The following AUTS2 variants were observed in gnomAD, a reference collection of about 807,000 sequenced individuals.
AUTS2 encodes autism susceptibility gene 2 protein.
A neutral mutation model predicts 112.4 loss-of-function variants in AUTS2; 17 were observed. The observed-to-expected ratio is 0.15, with a 90% CI of 0.10 to 0.23. AUTS2 has a LOEUF of 0.23. Among genes scored for constraint, AUTS2 ranks in the 10% least tolerant of loss-of-function variants. The pLI, the probability that AUTS2 is intolerant of heterozygous loss-of-function variation, is 1.00. For missense variants in AUTS2, 1,510 were observed against 1,701.6 expected (o/e 0.89, Z 1.98); for synonymous variants, 751 against 702.7 (o/e 1.07, Z -1.09).
Position 70,636,599 on chromosome 7 carries a change from C to T in AUTS2, c.691-61970C>T, listed in dbSNP as rs550276901. ...TAAAGTGGGAATAATCATACATCATCTCCGTGGATTTTGTGAGGATTAAGT... is the reference window on the plus strand; with the variant it reads ...TAAAGTGGGAATAATCATACATCATTTCCGTGGATTTTGTGAGGATTAAGT... On this transcript the variant is annotated intron_variant, in intron 5 of 18. Transcript: ENST00000342771. Among the ~76,000 whole-genome samples the T allele has an allele frequency of 2.6e-5, 4 of 152,070 alleles. 1 individual carries two copies. In the South Asian group the frequency reaches 8.3e-4, roughly 32 times the overall value.
intron 2 of AUTS2, among the ~76,000 whole-genome samples, chr7:70,043,951 A>C (rs1015559630): frequency 6.6e-6 from 1 of 151,894 alleles, no homozygotes; most frequent in Non-Finnish European, 1.5e-5. Flanking sequence ...CTTGGTGGTG[A>C]TATGAGTTGA....
intron 4 of AUTS2, among the ~76,000 whole-genome samples, chr7:70,366,852 G>A (rs1193228543): frequency 2.6e-5 from 4 of 152,166 alleles, no homozygotes; most frequent in African/African-American, 9.7e-5. Flanking sequence ...AATACAGGGG[G>A]AGGATTGAGT....
intron 2 of AUTS2, among the ~76,000 whole-genome samples, chr7:69,928,335 CCA>C (rs1327787427): frequency 1.3e-5 from 2 of 152,204 alleles, no homozygotes; most frequent in East Asian, 3.9e-4. Context: ...GCAGCCCAGC[CCA>C]CAGACTTCAT....
At chr7:69,756,103 G>A (rs894674140) in intron 1 of AUTS2, among the ~76,000 whole-genome samples, 2 of 152,172 alleles carry the variant, frequency 1.3e-5, no homozygotes, top group Non-Finnish European at 2.9e-5. Context: ...TAGTAAAGTG[G>A]CCACCTGTAC....
chr7:70,564,177 T>C (rs902885016), intron 5 of AUTS2, among the ~76,000 whole-genome samples: 4 of 152,218 alleles, frequency 2.6e-5, no homozygotes, highest in African/African-American at 9.6e-5. Flanking sequence ...ATTACAATCA[T>C]GTAATTCATT....
intron 5 of AUTS2, among the ~76,000 whole-genome samples, chr7:70,565,146 T>TA (rs1422972315): frequency 1.3e-5 from 2 of 152,178 alleles, no homozygotes; most frequent in African/African-American, 4.8e-5. Context: ...AGTAATAGTT[T>TA]ACCTTTATTA....
intron 1 of AUTS2, among the ~76,000 whole-genome samples, chr7:69,754,036 G>C (rs1258251761): frequency 2.0e-5 from 3 of 152,172 alleles, no homozygotes; most frequent in Non-Finnish European, 4.4e-5. Flanking sequence ...CTTTATGAAG[G>C]CAGAGCTTGG....
At chr7:70,438,874 A>G (rs897552994) in intron 5 of AUTS2, among the ~76,000 whole-genome samples, 7 of 152,252 alleles carry the variant, frequency 4.6e-5, no homozygotes, top group Non-Finnish European at 8.8e-5. Context: ...TGTTGGAGGC[A>G]AAAGTGAAAC....
At chr7:70,408,258 T>G (rs961430917) in intron 4 of AUTS2, among the ~76,000 whole-genome samples, 1 of 151,550 alleles carries the variant, frequency 6.6e-6, no homozygotes, top group Non-Finnish European at 1.5e-5. Flanking sequence ...TTCCCAGCAC[T>G]GGGAAGGAAG....
At chr7:70,074,492 C>G (rs1037634893) in intron 2 of AUTS2, among the ~76,000 whole-genome samples, 3 of 152,062 alleles carry the variant, frequency 2.0e-5, no homozygotes, top group Non-Finnish European at 2.9e-5. Context: ...TTATTTTGGA[C>G]CATTTCTTTC....
At chr7:70,614,912 C>G (rs1403784060) in intron 5 of AUTS2, among the ~76,000 whole-genome samples, 1 of 152,206 alleles carries the variant, frequency 6.6e-6, no homozygotes, top group Non-Finnish European at 1.5e-5. Context: ...GCACCAGCAC[C>G]CCAGGCAGCC....
At chr7:69,842,690 T>C (rs1792033248) in intron 1 of AUTS2, among the ~76,000 whole-genome samples, 1 of 152,126 alleles carries the variant, frequency 6.6e-6, no homozygotes, top group African/African-American at 2.4e-5. Context: ...CCTATTTGGG[T>C]GTGTTAGATG....
At chr7:70,467,393 TCATTGG>T (rs1371134853) in intron 5 of AUTS2, among the ~76,000 whole-genome samples, 38 of 152,192 alleles carry the variant, frequency 2.5e-4, no homozygotes, top group African/African-American at 7.0e-4. Context: ...GTAAGTAACC[TCATTGG>T]GTAGGACTGA....
chr7:69,722,939 G>C (rs1396958477), intron 1 of AUTS2, among the ~76,000 whole-genome samples: 1 of 151,858 alleles, frequency 6.6e-6, no homozygotes, highest in Non-Finnish European at 1.5e-5. Context: ...CCAGGAGATG[G>C]CCTGCAGTTT....
At chr7:70,444,783 A>C (rs183368718) in intron 5 of AUTS2, among the ~76,000 whole-genome samples, 369 of 152,196 alleles carry the variant, frequency 2.4e-3, no homozygotes, top group African/African-American at 8.4e-3. Context: ...TGACTCATAT[A>C]CTTACGGAGA....
intron 6 of AUTS2, among the ~76,000 whole-genome samples, chr7:70,722,656 C>G (rs1202839552): frequency 6.6e-6 from 1 of 152,174 alleles, no homozygotes; most frequent in East Asian, 1.9e-4. Context: ...GGGCTCAGCA[C>G]CCCTTAAGTT....
chr7:70,265,917 G>A (rs933714432), intron 4 of AUTS2, among the ~76,000 whole-genome samples: 1 of 152,280 alleles, frequency 6.6e-6, no homozygotes, highest in Non-Finnish European at 1.5e-5. Flanking sequence ...TTCTCAGTAA[G>A]GCCCAAATAA....
At chr7:70,470,792 C>G (rs1797349793) in intron 5 of AUTS2, among the ~76,000 whole-genome samples, 1 of 152,106 alleles carries the variant, frequency 6.6e-6, no homozygotes, top group East Asian at 1.9e-4. Flanking sequence ...TGAACTGGTT[C>G]TCCCCTTGCT....
chr7:70,487,171 A>G (rs1798044116), intron 5 of AUTS2, among the ~76,000 whole-genome samples: 1 of 151,912 alleles, frequency 6.6e-6, no homozygotes, highest in Non-Finnish European at 1.5e-5. Context: ...TTCTTGAGTG[A>G]CACATTTTGC....
Sources: gnomAD v4.1 joint callset for allele counts (sites outside exome capture counted in the v4.1 genomes callset) on GRCh38, gnomAD v4.1.1 for gene constraint, MANE v1.5 for transcripts, NCBI Gene and HGNC (gene_info 2026-07-23, HGNC 2026-07-21) for gene names.